COG4: variants seen among roughly 807,000 people sequenced by gnomAD.
COG4 encodes conserved oligomeric Golgi complex subunit 4.
In COG4, 65 loss-of-function variants were observed where a neutral mutation model predicts 95.1. That is an observed-to-expected ratio of 0.68 (90% CI 0.56 to 0.84). The LOEUF (loss-of-function observed/expected upper bound fraction) is 0.84, where lower values mean the gene tolerates loss of function less well. COG4 is among the 40% of genes least tolerant of loss of function. The pLI is 0.00. For synonymous variants in COG4, 421 were observed against 374.8 expected (o/e 1.12, Z -1.42); for missense variants, 1,045 against 989.1 (o/e 1.06, Z -0.76).
At chr16:70,501,472 A>G (rs969503301) in intron 8 of COG4, 2 of 258,956 alleles carry the variant, frequency 7.7e-6, no homozygotes, top group Non-Finnish European at 7.6e-6. Context: ...CTCCTGCCTC[A>G]GCCTCCTGAG....
intron 8 of COG4, among the ~76,000 whole-genome samples, chr16:70,502,949 C>T (rs2049484799): frequency 6.6e-6 from 1 of 152,206 alleles, no homozygotes; most frequent in Non-Finnish European, 1.5e-5. Flanking sequence ...TGTGCTAGGA[C>T]AACTGAGATC....
At position 70,497,463 on chromosome 16, in the gene COG4, C is replaced by T. The variant is rs2303792; in HGVS notation, c.1315-76G>A. On this transcript the variant is annotated intron_variant, in intron 10 of 18. Transcript: ENST00000323786. Reference sequence around the variant, plus strand: ...TTCTAGATGATTCTGGGTACACTGGCCCTAGCTCTGCTCCCTTTTCTGTAC... The same window carrying T: ...TTCTAGATGATTCTGGGTACACTGGTCCTAGCTCTGCTCCCTTTTCTGTAC... 526,768 of 1,404,602 alleles carry T rather than the reference C, an allele frequency of 0.38. 103,302 individuals are homozygous for T. The highest frequency in any genetic ancestry group is 0.6 in the South Asian group (51,725 of 86,862). 87.0% of individuals were successfully genotyped at this position (1,404,602 alleles called of 1,614,324 possible).
chr16:70,498,798 T>C (rs2049391812), intron 9 of COG4, among the ~76,000 whole-genome samples: 1 of 152,250 alleles, frequency 6.6e-6, no homozygotes, highest in African/African-American at 2.4e-5. Context: ...TTTTCCATTA[T>C]TCCCTTAGGA....
At chr16:70,488,293 C>G (rs193240675) in intron 13 of COG4, among the ~76,000 whole-genome samples, 1 of 151,852 alleles carries the variant, frequency 6.6e-6, no homozygotes, top group Admixed American at 6.6e-5. Flanking sequence ...GCCACCATGC[C>G]CAGCTAATTT....
Position 70,523,497 on chromosome 16 carries a change from C to T in COG4, c.47G>A (p.Gly16Glu), listed in dbSNP as rs867874524. ...ADLDSPPKLS[G>E]VQQPSEGVGG... ...CACCCCCTCAGACGGCTGCTGCACC[C>T]CTGACAGCTTCGGAGGCGAATCAAG... The change falls in exon 1 of 19, where the codon GGG becomes GAG. Residue 16 changes from glycine (G) to glutamate (E), a missense_variant. Transcript: ENST00000323786. 5.0e-6 allele frequency: 8 copies of T among 1,614,126 alleles called. No individual in the cohort carries two copies. The highest frequency in any genetic ancestry group is 1.1e-5 in the South Asian group (1 of 91,084).
chr16:70,500,506 G>A (rs1272627370), intron 9 of COG4, among the ~76,000 whole-genome samples: 1 of 150,698 alleles, frequency 6.6e-6, no homozygotes, highest in Non-Finnish European at 1.5e-5. Context: ...GACTGCAGGT[G>A]TATTGCACCA....
Position 70,512,301 on chromosome 16 carries a change from A to T in COG4, c.676T>A (p.Phe226Ile). Residue 226 changes from phenylalanine (F) to isoleucine (I), a missense_variant, in exon 5 of 19, where the codon TTC (phenylalanine) becomes ATC (isoleucine). Phe to Ile is a conservative substitution (Grantham distance 21). Transcript: ENST00000323786. ...TCCTCATGCAAACCCAGCAGTGGGA[A>T]GATCTTGAAGAAGCGCTCCACCTGG... Reference protein sequence around the residue: ...LPQVERFFKIFPLLGLHEEGL... With the variant: ...LPQVERFFKIIPLLGLHEEGL... The T allele has an allele frequency of 6.2e-7, 1 of 1,614,164 alleles. No individual in the cohort carries two copies. The highest frequency in any genetic ancestry group is 8.5e-7 in the Non-Finnish European group (1 of 1,180,016).
intron 1 of COG4, among the ~76,000 whole-genome samples, chr16:70,521,902 T>C (rs1231333819): frequency 6.7e-6 from 1 of 149,548 alleles, no homozygotes; most frequent in Non-Finnish European, 1.5e-5. Context: ...GGGGTTTCAC[T>C]GTGTTAGCCA....
intron 8 of COG4, 199 bp from the exon 9 acceptor site, chr16:70,501,290 C>T: frequency 1.6e-6 from 1 of 607,840 alleles, no homozygotes. Context: ...CCTGCTTCAC[C>T]TAAATCATTC....
chr16:70,488,924 A>G (rs2049188799), intron 13 of COG4, among the ~76,000 whole-genome samples: 1 of 152,244 alleles, frequency 6.6e-6, no homozygotes. Context: ...TAAGTGGTTC[A>G]TATTACCACA....
Position 70,512,442 on chromosome 16 carries a change from A to G in COG4, c.545-10T>C. The G allele has an allele frequency of 6.2e-7, 1 of 1,611,880 alleles. No homozygotes were observed. Reference sequence around the variant, plus strand: ...GCATCAATCATGCTCCCTGCTCAACAGGGAGAAAATGAAAATTCAAGTAAA... The same window carrying G: ...GCATCAATCATGCTCCCTGCTCAACGGGGAGAAAATGAAAATTCAAGTAAA... On this transcript the variant is annotated splice_polypyrimidine_tract_variant and intron_variant, in intron 4 of 18. Coordinates refer to ENST00000323786, the MANE Select transcript of COG4 (RefSeq NM_015386.3).
At chr16:70,496,114 TG>T in intron 12 of COG4, 151 bp downstream of exon 12, 1 of 818,276 alleles carries the variant, frequency 1.2e-6, no homozygotes, top group Non-Finnish European at 2.0e-6. Flanking sequence ...CAGAACCTTC[TG>T]GGAGGAAATT....
intron 7 of COG4, 133 bp from the exon 8 acceptor site, chr16:70,508,597 A>C (rs762538447): frequency 5.0e-5 from 40 of 795,068 alleles, no homozygotes; most frequent in Non-Finnish European, 8.3e-5. Flanking sequence ...CTTCCCTTCA[A>C]GCCAGCAGTG....
chr16:70,506,607 A>C (rs1597678865), intron 8 of COG4, among the ~76,000 whole-genome samples: 1 of 61,800 alleles, frequency 1.6e-5, no homozygotes, highest in Non-Finnish European at 3.2e-5. Flanking sequence ...AAAAAAAAAA[A>C]AAAAAAAAAA....
intron 4 of COG4, 44 bp from the exon 5 acceptor site, chr16:70,512,476 C>T: frequency 2.6e-6 from 4 of 1,534,008 alleles, no homozygotes; most frequent in Non-Finnish European, 3.6e-6. Flanking sequence ...AAGAATAGTA[C>T]TGTGGCAGGT....
At chr16:70,498,482 C>A (rs1406682747) in intron 9 of COG4, among the ~76,000 whole-genome samples, 1 of 152,080 alleles carries the variant, frequency 6.6e-6, no homozygotes, top group East Asian at 1.9e-4. Context: ...GCATGCACCA[C>A]CACGCCCGGC....
At chr16:70,498,735 C>T (rs923601825) in intron 9 of COG4, among the ~76,000 whole-genome samples, 6 of 152,192 alleles carry the variant, frequency 3.9e-5, no homozygotes, top group African/African-American at 1.4e-4. Context: ...AACAGAATAT[C>T]ACAATAATTG....
chr16:70,512,088 G>T, intron 5 of COG4, 151 bp downstream of exon 5: 1 of 755,784 alleles, frequency 1.3e-6, no homozygotes, highest in Non-Finnish European at 2.3e-6. Context: ...ATGAACACAT[G>T]CATCCAGTCC....
intron 3 of COG4, 94 bp from the exon 4 acceptor site, chr16:70,514,603 C>T (rs1440592009): frequency 9.7e-7 from 1 of 1,035,420 alleles, no homozygotes; most frequent in Non-Finnish European, 1.5e-6. Context: ...ATCTGATCAA[C>T]CATATGTCAA....
Sources: allele counts gnomAD v4.1 joint callset (sites outside exome capture counted in the v4.1 genomes callset), GRCh38; gene constraint gnomAD v4.1.1; transcripts MANE v1.5; gene names NCBI Gene and HGNC (gene_info 2026-07-23, HGNC 2026-07-21).